The following SLC22A16 variants were observed in gnomAD, a reference collection of about 807,000 sequenced individuals.
The protein encoded by SLC22A16 is WUGSC:RG331P03.1.
Under a neutral mutation model 52.9 loss-of-function variants are expected in SLC22A16, and 53 were observed. The observed-to-expected ratio is 1.00, with a 90% CI of 0.80 to 1.26. SLC22A16 has a LOEUF of 1.26. SLC22A16 is among the 50% of genes most tolerant of loss of function. The pLI is 0.00. For missense variants in SLC22A16, 726 were observed against 704.0 expected (o/e 1.03, Z -0.35); for synonymous variants, 291 against 268.8 (o/e 1.08, Z -0.81).
chr6:110,433,951 G>T (rs892740044), intron 6 of SLC22A16, among the ~76,000 whole-genome samples: 2 of 147,564 alleles, frequency 1.4e-5, no homozygotes, highest in South Asian at 2.1e-4. Flanking sequence ...GAGTCAAAAA[G>T]TCTGACGGGC....
chr6:110,472,221 T>C (rs1776283670), intron 1 of SLC22A16, among the ~76,000 whole-genome samples: 1 of 152,124 alleles, frequency 6.6e-6, no homozygotes, highest in African/African-American at 2.4e-5. Flanking sequence ...TGTGGTCCCA[T>C]TCACTTCTCC....
intron 1 of SLC22A16, among the ~76,000 whole-genome samples, chr6:110,470,860 C>T (rs1045770324): frequency 6.6e-6 from 1 of 152,132 alleles, no homozygotes; most frequent in Non-Finnish European, 1.5e-5. Flanking sequence ...GAAAACATTG[C>T]CCCAGGATAT....
intron 1 of SLC22A16, among the ~76,000 whole-genome samples, chr6:110,475,441 C>G (rs1776427811): frequency 6.6e-6 from 1 of 152,178 alleles, no homozygotes; most frequent in South Asian, 2.1e-4. Context: ...AGGCACAAGG[C>G]AGCGTTCAAT....
At chr6:110,442,928 C>T (rs375601674) in intron 3 of SLC22A16, among the ~76,000 whole-genome samples, 153 bp from the exon 4 acceptor site, 20 of 152,238 alleles carry the variant, frequency 1.3e-4, no homozygotes, top group African/African-American at 3.6e-4. Flanking sequence ...ACATTCAATC[C>T]GATCTATCTT....
In SLC22A16 at chr6:110,424,980, C is replaced by G. The variant is rs1268771586; in HGVS notation, c.1627G>C (p.Glu543Gln). ...ATTWEEAAKL[E>Q]SENESKSSKL... ...CTTGACTTGCTTTCATTCTCTGACT[C>G]CAGTTTTGCAGCCTCCTCCCAAGTA... The change falls in exon 8 of 8, where the codon GAG (glutamate) becomes CAG (glutamine). Residue 543 changes from glutamate to glutamine, a missense_variant. Glu to Gln is a conservative substitution (Grantham distance 29). Coordinates refer to ENST00000368919, the MANE Select transcript of SLC22A16 (RefSeq NM_033125.4). 3.7e-6 allele frequency: 6 copies of G among 1,614,166 alleles called. No individual in the cohort carries two copies. The highest frequency in any genetic ancestry group is 1.6e-4 in the Middle Eastern group (1 of 6,062).
chr6:110,466,544 T>C (rs1282748162), intron 1 of SLC22A16, among the ~76,000 whole-genome samples: 1 of 152,016 alleles, frequency 6.6e-6, no homozygotes, highest in East Asian at 1.9e-4. Context: ...TCACTAATCA[T>C]CAGAGAAATG....
Position 110,431,199 on chromosome 6 carries a change from A to G in SLC22A16, c.1493T>C (p.Leu498Pro). Residue 498 changes from leucine (L) to proline (P), a missense_variant, in exon 7 of 8, where the codon CTC becomes CCC. Transcript: ENST00000368919. ...TGGTATGAAGATCCAAATGCTGCTG[A>G]GGTCCACAGAGAACGGCGCCAGGAT... ...ASILAPFSVD[L>P]SSIWIFIPQL... The G allele has an allele frequency of 6.2e-7, 1 of 1,613,894 alleles. No individual in the cohort carries two copies. The highest frequency in any genetic ancestry group is 8.5e-7 in the Non-Finnish European group (1 of 1,179,978).
chr6:110,455,678 T>G (rs1314057468), intron 2 of SLC22A16: 1 of 152,224 alleles, frequency 6.6e-6, no homozygotes, highest in African/African-American at 2.4e-5. Context: ...GGTTATGCTT[T>G]GAATGATAGT....
chr6:110,450,428 A>G (rs983288759), intron 2 of SLC22A16, among the ~76,000 whole-genome samples: 1 of 152,034 alleles, frequency 6.6e-6, no homozygotes, highest in South Asian at 2.1e-4. Context: ...CCTGGCCAAC[A>G]TGGTGAAACC....
rs1315748257 is a variant in SLC22A16, at chr6:110,442,346, T to A, written c.1081A>T (p.Thr361Ser). The A allele has an allele frequency of 8.1e-6, 13 of 1,614,198 alleles. No individual in the cohort carries two copies. In the Middle Eastern group the frequency reaches 4.9e-4, roughly 61 times the overall value. Reference sequence around the variant, plus strand: ...CCAGTGAACCAGATTAGCCAAACGGTAAGTGTCCTTTTCGTAATGCTCCAG... The same window carrying A: ...CCAGTGAACCAGATTAGCCAAACGGAAAGTGTCCTTTTCGTAATGCTCCAG... ...YNWSITKRTL[T>S]VWLIWFTGSL... Residue 361 changes from threonine (T) to serine (S), a missense_variant, in exon 4 of 8, where the codon ACC becomes TCC. By Grantham distance (58) the Thr-to-Ser change is moderately conservative (BLOSUM62 1). Transcript: ENST00000368919.
intron 6 of SLC22A16, among the ~76,000 whole-genome samples, chr6:110,434,701 T>C (rs976912014): frequency 6.6e-6 from 1 of 152,136 alleles, no homozygotes; most frequent in Non-Finnish European, 1.5e-5. Flanking sequence ...GAGTCTCGGC[T>C]AGGCGTGGTG....
chr6:110,447,859 G>T (rs34788046), intron 2 of SLC22A16, among the ~76,000 whole-genome samples: 2 of 152,100 alleles, frequency 1.3e-5, no homozygotes, highest in East Asian at 3.8e-4. Context: ...TTTTCTCTCT[G>T]AGTAGCACCA....
chr6:110,436,393 G>A (rs1017840903), intron 5 of SLC22A16, among the ~76,000 whole-genome samples: 1 of 152,182 alleles, frequency 6.6e-6, no homozygotes, highest in African/African-American at 2.4e-5. Context: ...AGGAGGCTGA[G>A]GCAGGAGAAT....
At chr6:110,435,757 A>G (rs221717) in intron 6 of SLC22A16, 95 bp downstream of exon 6, 270,482 of 865,882 alleles carry the variant, frequency 0.31, 44,650 homozygotes, top group African/African-American at 0.54. Flanking sequence ...TAACTTCTAT[A>G]AAAAAGAAGC....
intron 7 of SLC22A16, among the ~76,000 whole-genome samples, chr6:110,429,120 C>G (rs1471725564): frequency 6.6e-6 from 1 of 152,200 alleles, no homozygotes; most frequent in Non-Finnish European, 1.5e-5. Context: ...TTAATAAACA[C>G]TTTCTCATTT....
At chr6:110,456,299 A>C in intron 2 of SLC22A16, 1 of 493,854 alleles carries the variant, frequency 2.0e-6, no homozygotes, top group Non-Finnish European at 3.5e-6. Flanking sequence ...TAAGTTAGGC[A>C]ATTTGCCTGG....
chr6:110,466,182 G>A (rs1374711382), intron 1 of SLC22A16, among the ~76,000 whole-genome samples: 1 of 152,010 alleles, frequency 6.6e-6, no homozygotes, highest in African/African-American at 2.4e-5. Flanking sequence ...CACTCAAAAA[G>A]TCCTAGAAGA....
At chr6:110,475,414 C>T (rs916990292) in intron 1 of SLC22A16, among the ~76,000 whole-genome samples, 73 of 152,204 alleles carry the variant, frequency 4.8e-4, no homozygotes, top group African/African-American at 1.7e-3. Context: ...CATGTACCAA[C>T]GGCTTATGAC....
Position 110,456,634 on chromosome 6 carries a change from A to G in SLC22A16, c.437T>C (p.Leu146Pro). The change falls in exon 2 of 8, where the codon CTG becomes CCG. Residue 146 changes from leucine to proline, a missense_variant. Leu to Pro is a moderately conservative substitution (Grantham distance 98). Coordinates refer to ENST00000368919, the MANE Select transcript of SLC22A16 (RefSeq NM_033125.4). Reference sequence around the variant, plus strand: ...TGCAAGCCATTTTCGGTCACAGACCAGGTTCCACTGGGTCACCGCAGTGCT... The same window carrying G: ...TGCAAGCCATTTTCGGTCACAGACCGGGTTCCACTGGGTCACCGCAGTGCT... Reference protein sequence around the residue: ...WKSTAVTQWNLVCDRKWLAML... With the variant: ...WKSTAVTQWNPVCDRKWLAML... 6.2e-7 allele frequency: 1 copy of G among 1,614,214 alleles called. No homozygotes were observed. The highest frequency in any genetic ancestry group is 1.1e-5 in the South Asian group (1 of 91,086).
Sources: gnomAD v4.1 joint callset for allele counts (sites outside exome capture counted in the v4.1 genomes callset) on GRCh38, gnomAD v4.1.1 for gene constraint, MANE v1.5 for transcripts, NCBI Gene and HGNC (gene_info 2026-07-23, HGNC 2026-07-21) for gene names.